TCF7L2: variants seen among roughly 807,000 people sequenced by gnomAD.
TCF7L2 encodes the protein transcription factor 7 like 2.
A neutral mutation model predicts 77.9 loss-of-function variants in TCF7L2; 23 were observed. That is an observed-to-expected ratio of 0.30 (90% confidence interval 0.21 to 0.42). The LOEUF (loss-of-function observed/expected upper bound fraction) is 0.42. Among genes scored for constraint, TCF7L2 ranks in the 10% least tolerant of loss-of-function variants. The pLI is 1.00. For missense variants in TCF7L2, 654 were observed against 793.1 expected (o/e 0.82, Z 2.11); for synonymous variants, 413 against 340.2 (o/e 1.21, Z -2.36).
At chr10:113,079,343 G>GCATCT (rs2059075528) in intron 5 of TCF7L2, among the ~76,000 whole-genome samples, 1 of 152,136 alleles carries the variant, frequency 6.6e-6, no homozygotes. Flanking sequence ...GCGTTGATGT[G>GCATCT]GCCACACGGA....
intron 4 of TCF7L2, among the ~76,000 whole-genome samples, chr10:113,016,952 A>G (rs1337787441): frequency 6.6e-6 from 1 of 152,158 alleles, no homozygotes; most frequent in African/African-American, 2.4e-5. Flanking sequence ...CCGGAGGCTC[A>G]GAAACCCAGA....
chr10:113,090,282 G>A (rs1470411144), intron 5 of TCF7L2, among the ~76,000 whole-genome samples: 2 of 152,188 alleles, frequency 1.3e-5, no homozygotes, highest in Non-Finnish European at 2.9e-5. Flanking sequence ...AAATGATTTA[G>A]TACTAGTGTT....
chr10:113,117,702 C>T (rs1471808939), intron 5 of TCF7L2, among the ~76,000 whole-genome samples: 1 of 152,214 alleles, frequency 6.6e-6, no homozygotes, highest in Non-Finnish European at 1.5e-5. Context: ...ATAGATATCT[C>T]TGCCCTCAAT....
chr10:113,165,846 C>T lies in TCF7L2; in HGVS notation c.1683C>T (p.Ala561=), dbSNP rs150354863. The change falls in exon 14 of 14, where the codon GCC becomes GCT. Residue 561 remains alanine, a synonymous_variant. Coordinates refer to ENST00000627217, the MANE Select transcript of TCF7L2 (RefSeq NM_001146274.2). ...ACGGGGCCCTGGACCTGCCCCCAGC[C>T]GCTTTGCAGCCTGCCGCCCCCTCCT... 177 of 1,607,428 alleles carry T rather than the reference C, an allele frequency of 1.1e-4. No homozygotes were observed. The highest frequency in any genetic ancestry group is 1.8e-4 in the East Asian group (8 of 44,778).
intron 13 of TCF7L2, among the ~76,000 whole-genome samples, chr10:113,164,086 AG>A: frequency 6.6e-6 from 1 of 152,184 alleles, no homozygotes; most frequent in East Asian, 1.9e-4. Context: ...ACAATATTCT[AG>A]GGTCCTTAGA....
intron 4 of TCF7L2, among the ~76,000 whole-genome samples, chr10:113,014,072 AC>A (rs1195324936): frequency 6.6e-6 from 1 of 152,252 alleles, no homozygotes; most frequent in Non-Finnish European, 1.5e-5. Flanking sequence ...AGTTGAGTTA[AC>A]ACAGGAGGAC....
Position 113,166,764 on chromosome 10 carries a change from C to G in TCF7L2, c.*792C>G, listed in dbSNP as rs1009004035. 2 of 227,656 alleles carry G rather than the reference C, an allele frequency of 8.8e-6. No individual in the cohort carries two copies. The highest frequency in any genetic ancestry group is 1.7e-5 in the Non-Finnish European group (2 of 114,822). 14.1% of individuals were successfully genotyped at this position (227,656 alleles called of 1,614,324 possible). ...TCTTATATATAACAACTCATTTGTA[C>G]AAGGTTTTTAAGTTTATATATAAAA... is the stretch of plus-strand genomic sequence containing the variant. On this transcript the variant is annotated 3_prime_UTR_variant, in exon 14 of 14. Transcript: ENST00000627217.
intron 4 of TCF7L2, among the ~76,000 whole-genome samples, chr10:113,020,019 C>G (rs1162170327): frequency 6.6e-6 from 1 of 152,144 alleles, no homozygotes; most frequent in East Asian, 1.9e-4. Context: ...TCTTTAAAAG[C>G]AGGAATAATA....
At chr10:113,161,253 G>T (rs764184357) in intron 13 of TCF7L2, 3 of 370,618 alleles carry the variant, frequency 8.1e-6, no homozygotes, top group East Asian at 9.7e-5. Context: ...AAAAAGAAGC[G>T]TGGCATTGAA....
chr10:112,982,674 G>A (rs1265092162), intron 4 of TCF7L2, among the ~76,000 whole-genome samples: 1 of 152,186 alleles, frequency 6.6e-6, no homozygotes, highest in Non-Finnish European at 1.5e-5. Context: ...AGACTGGAGT[G>A]CAGTGGTGCG....
chr10:113,043,141 A>G (rs2052750797), intron 5 of TCF7L2, among the ~76,000 whole-genome samples: 1 of 152,260 alleles, frequency 6.6e-6, no homozygotes. Context: ...TCTCGCTTGA[A>G]GAATAGGGAT....
In TCF7L2 at chr10:112,959,856, TA is replaced by T. The variant is rs555052747; in HGVS notation, c.382-4692del. Among the ~76,000 whole-genome samples, 6 of 152,020 alleles carry T rather than the reference TA, an allele frequency of 3.9e-5. No individual in the cohort carries two copies. The East Asian group carries it at 1.2e-3, about 29-fold the overall frequency. On this transcript the variant is annotated intron_variant, in intron 3 of 13. Transcript: ENST00000627217. Reference sequence around the variant, plus strand: ...ACCTAAGAAAAGGTCTTAGGTATACTAAAAAAAAGTATTTTGTTTCTTAAGG... The same window carrying T: ...ACCTAAGAAAAGGTCTTAGGTATACTAAAAAAAGTATTTTGTTTCTTAAGG...
chr10:113,115,837 G>A (rs2063662956), intron 5 of TCF7L2, among the ~76,000 whole-genome samples: 1 of 152,048 alleles, frequency 6.6e-6, no homozygotes, highest in Non-Finnish European at 1.5e-5. Flanking sequence ...GTGTGCGTGT[G>A]TCTCTGCTTG....
chr10:113,046,410 G>A (rs2134418139), intron 5 of TCF7L2, among the ~76,000 whole-genome samples: 1 of 152,196 alleles, frequency 6.6e-6, no homozygotes, highest in East Asian at 1.9e-4. Flanking sequence ...ATCTCCTGGT[G>A]GTAGACTGTT....
In TCF7L2 at chr10:112,950,310, G is replaced by A; in HGVS notation, c.-447G>A. On this transcript the variant is annotated 5_prime_UTR_variant, in exon 1 of 14. Coordinates refer to ENST00000627217, the MANE Select transcript of TCF7L2 (RefSeq NM_001146274.2). Reference sequence around the variant, plus strand: ...GATTTCGATCCCCCTTTTTCTATCTGTCAATCAGCGCCGCCTTTGAACTGA... The same window carrying A: ...GATTTCGATCCCCCTTTTTCTATCTATCAATCAGCGCCGCCTTTGAACTGA... The A allele has an allele frequency of 4.3e-6, 1 of 234,490 alleles. No individual in the cohort carries two copies. Among genetic ancestry groups the A allele is most frequent in the African/African-American group, 2.2e-5 (1 of 44,522 alleles). The allele number at this position is 234,490 out of a possible 1,614,324, so 14.5% of individuals were successfully genotyped here. A position where few individuals can be genotyped will look rare whatever the true frequency, so the allele number is the denominator to read the frequency against.
At chr10:113,055,133 A>C (rs1352645158) in intron 5 of TCF7L2, among the ~76,000 whole-genome samples, 1 of 152,222 alleles carries the variant, frequency 6.6e-6, no homozygotes, top group Non-Finnish European at 1.5e-5. Flanking sequence ...ATACCAAAGT[A>C]GAGGAATTGG....
rs149584453 is a variant in TCF7L2 at position 113,096,208 on chromosome 10, TC to T, written c.553-44975del. Among the ~76,000 whole-genome samples, 365 of 152,302 alleles carry T rather than the reference TC, an allele frequency of 2.4e-3. 2 individuals carry two copies. The highest frequency in any genetic ancestry group is 8.0e-3 in the African/African-American group (334 of 41,574). Reference sequence around the variant, plus strand: ...TGGTTTTGACTTATCTGCCTATCAGTCAGCGTCTCTGTTGACGTACCTGTTT... The same window carrying T: ...TGGTTTTGACTTATCTGCCTATCAGTAGCGTCTCTGTTGACGTACCTGTTT... On this transcript the variant is annotated intron_variant, in intron 5 of 13. Coordinates refer to ENST00000627217, the MANE Select transcript of TCF7L2 (RefSeq NM_001146274.2).
At chr10:113,153,526 C>T (rs1313893363) in intron 11 of TCF7L2, among the ~76,000 whole-genome samples, 2 of 152,138 alleles carry the variant, frequency 1.3e-5, no homozygotes, top group East Asian at 1.9e-4. Flanking sequence ...GTATAGGGGT[C>T]GAGGTCGTTA....
chr10:113,129,325 G>A (rs571993474), intron 5 of TCF7L2: 28 of 986,508 alleles, frequency 2.8e-5, no homozygotes, highest in South Asian at 1.9e-4. Context: ...ATGGCTGACC[G>A]TAATTTCTTT....
Sources: gnomAD v4.1 joint callset for allele counts (sites outside exome capture counted in the v4.1 genomes callset) on GRCh38, gnomAD v4.1.1 for gene constraint, MANE v1.5 for transcripts, NCBI Gene and HGNC (gene_info 2026-07-23, HGNC 2026-07-21) for gene names.